Variants in WRNIP1 observed in about 807,000 individuals in gnomAD.
WRNIP1 encodes the protein ATPase WRNIP1.
A neutral mutation model predicts 56.1 loss-of-function variants in WRNIP1; 41 were observed. The ratio of observed to expected loss-of-function variants is 0.73; its 90% CI spans 0.57 to 0.95. The LOEUF (loss-of-function observed/expected upper bound fraction) is 0.95. Ranked by LOEUF, WRNIP1 falls within the 40% of genes least tolerant of loss-of-function variation. The pLI, the probability that WRNIP1 is intolerant of heterozygous loss-of-function variation, is 0.00. For missense variants in WRNIP1, 1,170 were observed against 939.4 expected (o/e 1.25, Z -3.21); for synonymous variants, 547 against 398.1 (o/e 1.37, Z -4.45).
In WRNIP1 at chr6:2,781,267, G is replaced by A. The variant is rs554372396; in HGVS notation, c.1486+1775G>A. Among the ~76,000 whole-genome samples, 11 of 152,348 alleles carry A rather than the reference G, an allele frequency of 7.2e-5. No individual in the cohort carries two copies. In the East Asian group the frequency reaches 2.1e-3, roughly 29 times the overall value. Reference sequence around the variant, plus strand: ...CTTGTCTATAGCTTGGAGCTGGGGGGTGGTGGAGGCTGCCTAGTGCCGCTG... The same window carrying A: ...CTTGTCTATAGCTTGGAGCTGGGGGATGGTGGAGGCTGCCTAGTGCCGCTG... On this transcript the variant is annotated intron_variant, in intron 4 of 6. Transcript: ENST00000380773.
At chr6:2,768,147 C>G (rs921133976) in intron 1 of WRNIP1, among the ~76,000 whole-genome samples, 9 of 152,150 alleles carry the variant, frequency 5.9e-5, no homozygotes, top group African/African-American at 1.9e-4. Flanking sequence ...CATCTCCTAC[C>G]AGAGTGAACA....
Position 2,765,584 on chromosome 6 carries a change from C to T in WRNIP1, c.-39C>T, listed in dbSNP as rs1764903215. The T allele has an allele frequency of 6.2e-6, 9 of 1,453,812 alleles. No homozygotes were observed. Among genetic ancestry groups the T allele is most frequent in the South Asian group, 2.6e-5 (2 of 76,008 alleles). The allele number at this position is 1,453,812 out of a possible 1,614,324, so 90.1% of individuals were successfully genotyped here. A position where few individuals can be genotyped will look rare whatever the true frequency, so the allele number is the denominator to read the frequency against. ...AAGGCCTCCGCGTGCGCACGGGTTGCTGCGGCCGCGCCGGGCGCCGGGGAG... is the reference window on the plus strand; with the variant it reads ...AAGGCCTCCGCGTGCGCACGGGTTGTTGCGGCCGCGCCGGGCGCCGGGGAG... On this transcript the variant is annotated 5_prime_UTR_variant, in exon 1 of 7. Transcript: ENST00000380773.
Position 2,774,202 on chromosome 6 carries a change from C to A in WRNIP1, c.1256+3841C>A, listed in dbSNP as rs557340807. 10 of 985,202 alleles carry A rather than the reference C, an allele frequency of 1.0e-5. No individual in the cohort carries two copies. The South Asian group carries it at 4.7e-4, about 46-fold the overall frequency. 61.0% of individuals were successfully genotyped at this position (985,202 alleles called of 1,614,324 possible). On this transcript the variant is annotated intron_variant, in intron 3 of 6. Coordinates refer to ENST00000380773, the MANE Select transcript of WRNIP1 (RefSeq NM_020135.3). ...GTACATTAACATAGCTGTTTTAATA[C>A]AAGGGTGCATTAAAATAATGCCATA... is the stretch of plus-strand genomic sequence containing the variant.
chr6:2,774,699 T>C (rs981020452), intron 3 of WRNIP1, among the ~76,000 whole-genome samples: 4 of 152,208 alleles, frequency 2.6e-5, no homozygotes, highest in African/African-American at 7.2e-5. Context: ...CCAAGTATAA[T>C]GTAATTTGGA....
intron 2 of WRNIP1, among the ~76,000 whole-genome samples, chr6:2,769,673 C>T (rs1765192198): frequency 6.6e-6 from 1 of 152,098 alleles, no homozygotes; most frequent in African/African-American, 2.4e-5. Context: ...CCCCATAAAA[C>T]AGCATAATAG....
chr6:2,767,764 A>G (rs991830348), intron 1 of WRNIP1, among the ~76,000 whole-genome samples: 4 of 152,156 alleles, frequency 2.6e-5, no homozygotes, highest in Non-Finnish European at 4.4e-5. Context: ...AGCTCATCCC[A>G]CCTACCAAAT....
intron 4 of WRNIP1, among the ~76,000 whole-genome samples, chr6:2,782,841 C>T (rs144725860): frequency 5.9e-5 from 9 of 152,152 alleles, no homozygotes; most frequent in East Asian, 1.9e-4. Flanking sequence ...GTCCACGTGT[C>T]GGTCCTTCTG....
chr6:2,769,093 G>T (rs1765166962), intron 2 of WRNIP1, among the ~76,000 whole-genome samples: 2 of 152,142 alleles, frequency 1.3e-5, no homozygotes, highest in African/African-American at 4.8e-5. Context: ...AAATGAAATG[G>T]TTGGCATATC....
intron 3 of WRNIP1, among the ~76,000 whole-genome samples, chr6:2,774,705 T>C (rs926752385): frequency 5.3e-5 from 8 of 152,208 alleles, no homozygotes; most frequent in African/African-American, 1.9e-4. Context: ...ATAATGTAAT[T>C]TGGAAAGACA....
chr6:2,785,501 G>GGTT lies in WRNIP1; in HGVS notation c.*219_*220insGTT. On this transcript the variant is annotated 3_prime_UTR_variant, in exon 7 of 7. Transcript: ENST00000380773. ...CACTCGGTGCAGCGGTTATGCTTATGAAAATACCTGGCAGCTTTGTGCAAT... is the reference window on the plus strand; with the variant it reads ...CACTCGGTGCAGCGGTTATGCTTATGGTTAAAATACCTGGCAGCTTTGTGCAAT... 5 of 557,152 alleles carry GGTT rather than the reference G, an allele frequency of 9.0e-6. No homozygotes were observed. The highest frequency in any genetic ancestry group is 1.6e-5 in the Non-Finnish European group (5 of 316,698). 34.5% of individuals were successfully genotyped at this position (557,152 alleles called of 1,614,324 possible). A position where few individuals can be genotyped will look rare whatever the true frequency, so the allele number is the denominator to read the frequency against.
In WRNIP1 at chr6:2,765,411, C is replaced by T. The variant is rs1050035845; in HGVS notation, c.-212C>T. On this transcript the variant is annotated 5_prime_UTR_variant, in exon 1 of 7. Transcript: ENST00000380773. ...ACGAACTACACTTCCCGACACGCCG[C>T]GTGAGGCGCTGCCAGCGGCCGGCCG... 6.7e-6 allele frequency: 3 copies of T among 448,388 alleles called. No homozygotes were observed. Among genetic ancestry groups the T allele is most frequent in the Non-Finnish European group, 1.0e-5 (3 of 290,634 alleles). The allele number at this position is 448,388 out of a possible 1,614,324, so 27.8% of individuals were successfully genotyped here. A position where few individuals can be genotyped will look rare whatever the true frequency, so the allele number is the denominator to read the frequency against.
chr6:2,773,656 G>A (rs1358057573), intron 3 of WRNIP1: 1 of 985,364 alleles, frequency 1.0e-6, no homozygotes, highest in Non-Finnish European at 1.2e-6. Context: ...GAATGAGCTT[G>A]TGCTGCTGAA....
chr6:2,785,542 G>C lies in WRNIP1; in HGVS notation c.*260G>C. On this transcript the variant is annotated 3_prime_UTR_variant, in exon 7 of 7. Transcript: ENST00000380773. ...TTTGTGCAATGAATTAATGTTATAAGGAATTATCTATTTTGTCATAGTATT... is the reference window on the plus strand; with the variant it reads ...TTTGTGCAATGAATTAATGTTATAACGAATTATCTATTTTGTCATAGTATT... 1 of 461,384 alleles carries C rather than the reference G, an allele frequency of 2.2e-6. No individual in the cohort carries two copies. Among genetic ancestry groups the C allele is most frequent in the South Asian group, 3.5e-5 (1 of 28,348 alleles). The allele number at this position is 461,384 out of a possible 1,614,324, so 28.6% of individuals were successfully genotyped here.
chr6:2,784,510 C>T, intron 6 of WRNIP1, 107 bp downstream of exon 6: 1 of 1,139,210 alleles, frequency 8.8e-7, no homozygotes, highest in Non-Finnish European at 1.3e-6. Flanking sequence ...TGTATTGGAC[C>T]CACTGAGTAT....
rs1410404211 is a variant in WRNIP1, at chr6:2,765,796, G to A, written c.174G>A (p.Gly58=). ...CCGCGGCCGGGTCGCACCGCGCCGG[G>A]GAGCGGGCCAAGGGGCCCTCGCCGC... ...AEPAAGSHRA[G]ERAKGPSPPG... Residue 58 remains glycine, a synonymous_variant, in exon 1 of 7, where the codon GGG becomes GGA. Coordinates refer to ENST00000380773, the MANE Select transcript of WRNIP1 (RefSeq NM_020135.3). The A allele has an allele frequency of 1.4e-6, 2 of 1,412,118 alleles. No individual in the cohort carries two copies. Among genetic ancestry groups the A allele is most frequent in the South Asian group, 1.5e-5 (1 of 67,928 alleles). The allele number at this position is 1,412,118 out of a possible 1,614,324, so 87.5% of individuals were successfully genotyped here. A position where few individuals can be genotyped will look rare whatever the true frequency, so the allele number is the denominator to read the frequency against.
At chr6:2,784,233 C>A in intron 5 of WRNIP1, 91 bp from the exon 6 acceptor site, 1 of 1,209,968 alleles carries the variant, frequency 8.3e-7, no homozygotes, top group Non-Finnish European at 1.2e-6. Context: ...ACCAAGTGTA[C>A]AAGCAGTGGT....
chr6:2,766,380 G>A lies in WRNIP1; in HGVS notation c.758G>A (p.Arg253His), dbSNP rs142432834. The change falls in exon 1 of 7, where the codon CGC becomes CAC. Residue 253 changes from arginine (R) to histidine (H), a missense_variant. By Grantham distance (29) the Arg-to-His change is conservative. Transcript: ENST00000380773. ...GCCGTGGGCCAGGATACCCTGCTGC[G>A]CTCGCTCCTGGAGACCAACGAAATC... ...SKAVGQDTLL[R>H]SLLETNEIPS... is the part of the protein sequence containing the mutation. 36 of 1,608,314 alleles carry A rather than the reference G, an allele frequency of 2.2e-5. No homozygotes were observed. The highest frequency in any genetic ancestry group is 3.0e-5 in the Non-Finnish European group (35 of 1,177,842).
Position 2,770,137 on chromosome 6 carries a change from C to G in WRNIP1, c.1032C>G (p.His344Gln). ...ATGATTAGGACACTTTCCTTCCTCA[C>G]GTGGAATGTGGGACGATCACTCTGA... is the stretch of plus-strand genomic sequence containing the variant. The part of the protein sequence containing the change: ...NKSQQDTFLP[H>Q]VECGTITLIG... The change falls in exon 3 of 7, where the codon CAC becomes CAG. Residue 344 changes from histidine to glutamine, a missense_variant. Coordinates refer to ENST00000380773, the MANE Select transcript of WRNIP1 (RefSeq NM_020135.3). The G allele has an allele frequency of 6.2e-7, 1 of 1,614,234 alleles. No homozygotes were observed. The highest frequency in any genetic ancestry group is 8.5e-7 in the Non-Finnish European group (1 of 1,180,044).
At position 2,768,755 on chromosome 6, in the gene WRNIP1, C is replaced by G. The variant is rs1048883104; in HGVS notation, c.887C>G (p.Ser296Cys). 1.2e-6 allele frequency: 2 copies of G among 1,613,982 alleles called. No homozygotes were observed. The highest frequency in any genetic ancestry group is 2.2e-5 in the East Asian group (1 of 44,886). ...CATAGCATAAGGTTTGTGACATTAT[C>G]TGCAACAAATGCCAAGACAAATGAT... ...KKHSIRFVTL[S>C]ATNAKTNDVR... Residue 296 changes from serine to cysteine, a missense_variant, in exon 2 of 7, where the codon TCT becomes TGT. By Grantham distance (112) the Ser-to-Cys change is moderately radical. Coordinates refer to ENST00000380773, the MANE Select transcript of WRNIP1 (RefSeq NM_020135.3).
Sources: gnomAD v4.1 joint callset for allele counts (sites outside exome capture counted in the v4.1 genomes callset) on GRCh38, gnomAD v4.1.1 for gene constraint, MANE v1.5 for transcripts, NCBI Gene and HGNC (gene_info 2026-07-23, HGNC 2026-07-21) for gene names.